Variants in DOCK3 observed in about 807,000 individuals in gnomAD.
DOCK3 encodes the protein dedicator of cytokinesis protein 3.
DOCK3 carries 60 observed loss-of-function variants against 265.6 expected under a neutral mutation model. The observed-to-expected ratio is 0.23, with a 90% CI of 0.18 to 0.28. DOCK3 has a LOEUF of 0.28. Among genes scored for constraint, DOCK3 ranks in the 10% least tolerant of loss-of-function variants. The pLI is 1.00. For synonymous variants in DOCK3, 881 were observed against 938.0 expected (o/e 0.94, Z 1.11); for missense variants, 1,981 against 2,594.3 (o/e 0.76, Z 5.14).
At chr3:50,913,624 C>T (rs1206046720) in intron 4 of DOCK3, among the ~76,000 whole-genome samples, 4 of 152,118 alleles carry the variant, frequency 2.6e-5, no homozygotes, top group African/African-American at 9.7e-5. Flanking sequence ...ACCTTCCAAC[C>T]ACTGGAATTG....
chr3:50,866,179 G>A (rs980698192), intron 3 of DOCK3, among the ~76,000 whole-genome samples: 9 of 151,860 alleles, frequency 5.9e-5, no homozygotes, highest in Non-Finnish European at 1.2e-4. Flanking sequence ...GTCCTTTTGG[G>A]GCATTACTTA....
At chr3:51,324,822 T>G (rs542257363) in intron 32 of DOCK3, among the ~76,000 whole-genome samples, 1 of 152,308 alleles carries the variant, frequency 6.6e-6, no homozygotes, top group African/African-American at 2.4e-5. Flanking sequence ...GGGGAAAGGA[T>G]TCCCTATTTA....
At chr3:51,011,717 CA>C (rs1290230060) in intron 5 of DOCK3, among the ~76,000 whole-genome samples, 2 of 152,196 alleles carry the variant, frequency 1.3e-5, no homozygotes, top group East Asian at 3.8e-4. Context: ...TTAGAATTTT[CA>C]GCTTTTCTGC....
intron 38 of DOCK3, 116 bp from the exon 39 acceptor site, chr3:51,348,736 C>A: frequency 2.0e-6 from 2 of 1,017,164 alleles, no homozygotes; most frequent in Non-Finnish European, 3.0e-6. Flanking sequence ...TTCTTTGTGA[C>A]ACATGAGTTG....
chr3:51,021,721 G>A (rs906847226), intron 5 of DOCK3, among the ~76,000 whole-genome samples: 2 of 148,646 alleles, frequency 1.3e-5, no homozygotes, highest in Non-Finnish European at 3.0e-5. Flanking sequence ...GAGCGCAATG[G>A]TGCGATCTCA....
chr3:51,101,115 T>TA (rs2083068213), intron 9 of DOCK3, among the ~76,000 whole-genome samples: 1 of 143,468 alleles, frequency 7.0e-6, no homozygotes, highest in African/African-American at 2.6e-5. Context: ...TAGTCTTTCT[T>TA]TTTTTTTTTT....
At chr3:50,786,283 A>G (rs2042182898) in intron 2 of DOCK3, among the ~76,000 whole-genome samples, 1 of 152,126 alleles carries the variant, frequency 6.6e-6, no homozygotes, top group South Asian at 2.1e-4. Flanking sequence ...ATAAAATTCT[A>G]GAAGTCTGAG....
At chr3:50,759,840 C>T (rs1285684362) in intron 1 of DOCK3, among the ~76,000 whole-genome samples, 4 of 118,506 alleles carry the variant, frequency 3.4e-5, no homozygotes, top group Non-Finnish European at 5.3e-5. Flanking sequence ...CCTGGGTGAC[C>T]GAGTGAGATA....
intron 6 of DOCK3, among the ~76,000 whole-genome samples, chr3:51,066,311 AAAAAC>A (rs1312480155): frequency 2.9e-4 from 44 of 152,310 alleles, no homozygotes; most frequent in Middle Eastern, 6.8e-3. Context: ...TAATGAATGG[AAAAAC>A]AAAACAAACA....
At chr3:51,334,308 G>A (rs563603540) in intron 35 of DOCK3, among the ~76,000 whole-genome samples, 1 of 152,306 alleles carries the variant, frequency 6.6e-6, no homozygotes, top group Non-Finnish European at 1.5e-5. Context: ...GGAAGGTGAG[G>A]AGAAATGATA....
intron 3 of DOCK3, chr3:50,877,740 C>T: frequency 3.1e-6 from 1 of 321,928 alleles, no homozygotes; most frequent in Non-Finnish European, 6.0e-6. Flanking sequence ...GTGGCGTGAT[C>T]TCAGCTCACT....
chr3:51,014,554 CT>C (rs66473462), intron 5 of DOCK3, among the ~76,000 whole-genome samples: 137,125 of 152,118 alleles, frequency 0.9, 62,006 homozygotes, highest in African/African-American at 0.95. Context: ...TCTTCATAAT[CT>C]CTTAAATATA....
At chr3:51,365,115 C>T (rs2087042509) in intron 49 of DOCK3, among the ~76,000 whole-genome samples, 1 of 152,190 alleles carries the variant, frequency 6.6e-6, no homozygotes, top group South Asian at 2.1e-4. Context: ...TATCCATGAG[C>T]ATGGAATGTT....
At chr3:50,717,677 C>T (rs2037206077) in intron 1 of DOCK3, among the ~76,000 whole-genome samples, 1 of 152,148 alleles carries the variant, frequency 6.6e-6, no homozygotes, top group African/African-American at 2.4e-5. Flanking sequence ...AGCTGGAGTG[C>T]AGTGGCGCAA....
intron 16 of DOCK3, 81 bp downstream of exon 16, chr3:51,227,526 T>C (rs2090381457): frequency 1.3e-5 from 20 of 1,556,406 alleles, no homozygotes; most frequent in South Asian, 7.3e-5. Flanking sequence ...ATTAAGTGGA[T>C]TCTTATTTGG....
intron 1 of DOCK3, among the ~76,000 whole-genome samples, chr3:50,737,213 C>T (rs2038692995): frequency 1.3e-5 from 2 of 152,120 alleles, no homozygotes; most frequent in African/African-American, 4.8e-5. Context: ...TAATTAGATC[C>T]CGTTTGTCAA....
chr3:51,066,219 G>T (rs897787826), intron 6 of DOCK3, among the ~76,000 whole-genome samples: 6 of 152,048 alleles, frequency 3.9e-5, no homozygotes, highest in Non-Finnish European at 1.5e-5. Context: ...AAGAACGGGG[G>T]AAATTCTGAA....
At chr3:51,301,521 T>A (rs1024216658) in intron 27 of DOCK3, among the ~76,000 whole-genome samples, 2 of 152,194 alleles carry the variant, frequency 1.3e-5, no homozygotes, top group African/African-American at 4.8e-5. Context: ...TTGAGATCTT[T>A]CTAGCTTTTT....
At chr3:51,285,892 G>A (rs945620904) in intron 27 of DOCK3, among the ~76,000 whole-genome samples, 1 of 152,098 alleles carries the variant, frequency 6.6e-6, no homozygotes, top group Non-Finnish European at 1.5e-5. Flanking sequence ...CCAAGATCAC[G>A]CCATTGCACT....
Sources: allele counts gnomAD v4.1 joint callset (sites outside exome capture counted in the v4.1 genomes callset), GRCh38; gene constraint gnomAD v4.1.1; transcripts MANE v1.5; gene names NCBI Gene and HGNC (gene_info 2026-07-23, HGNC 2026-07-21).